SEC14L1: variants seen among roughly 807,000 people sequenced by gnomAD.
The protein encoded by SEC14L1 is SEC14-like protein 1.
In SEC14L1, 48 loss-of-function variants were observed where a neutral mutation model predicts 85.3. The observed-to-expected ratio is 0.56, with a 90% confidence interval of 0.45 to 0.72. SEC14L1 has a LOEUF of 0.72. SEC14L1 is among the 30% of genes least tolerant of loss of function. The pLI is 0.00. For missense variants in SEC14L1, 682 were observed against 921.4 expected (o/e 0.74, Z 3.36); for synonymous variants, 391 against 355.5 (o/e 1.10, Z -1.12).
upstream of SEC14L1, among the ~76,000 whole-genome samples, chr17:77,139,172 T>C (rs905633838): frequency 3.4e-4 from 51 of 150,512 alleles, no homozygotes; most frequent in African/African-American, 1.2e-3. Flanking sequence ...TTTTTTTTTT[T>C]TTTTTTTTTT....
intron 10 of SEC14L1, among the ~76,000 whole-genome samples, chr17:77,204,540 T>TC (rs1325037906): frequency 6.7e-6 from 1 of 149,376 alleles, no homozygotes. Context: ...TTTTTTTTTT[T>TC]TTTTTTTTTA....
intron 3 of SEC14L1, among the ~76,000 whole-genome samples, chr17:77,180,046 T>TTGTTATGTTA (rs67421763): frequency 0.01 from 1,217 of 121,088 alleles, 15 homozygotes; most frequent in African/African-American, 0.019. Flanking sequence ...ATGTTTTGTT[T>TTGTTATGTTA]TGTTATGTTA....
At chr17:77,154,689 A>G (rs752948886) in intron 3 of SEC14L1, among the ~76,000 whole-genome samples, 27 of 151,594 alleles carry the variant, frequency 1.8e-4, no homozygotes, top group African/African-American at 2.4e-4. Flanking sequence ...TTATGTATCA[A>G]TATATGAAAT....
At chr17:77,095,830 T>C (rs903507002) in intron 3 of SEC14L1, among the ~76,000 whole-genome samples, 1 of 150,274 alleles carries the variant, frequency 6.7e-6, no homozygotes, top group African/African-American at 2.5e-5. Flanking sequence ...AAAAAAAAAT[T>C]AACTAATTAC....
chr17:77,214,836 C>G lies in SEC14L1; in HGVS notation c.*813C>G. 1.0e-6 allele frequency: 1 copy of G among 985,540 alleles called. No individual in the cohort carries two copies. The highest frequency in any genetic ancestry group is 1.2e-6 in the Non-Finnish European group (1 of 830,000). 61.0% of individuals were successfully genotyped at this position (985,540 alleles called of 1,614,324 possible). The stretch of plus-strand genomic sequence containing the variant: ...CTCTCACCTGCAGTCAGCTCCCAGC[C>G]CAGTGTAGGCCATCTCCTCTGTGCC... On this transcript the variant is annotated 3_prime_UTR_variant, in exon 17 of 17. Transcript: ENST00000436233.
chr17:77,155,171 C>T (rs1057131550), intron 3 of SEC14L1, among the ~76,000 whole-genome samples: 2 of 152,158 alleles, frequency 1.3e-5, no homozygotes, highest in Non-Finnish European at 2.9e-5. Context: ...TGTCTTCACC[C>T]GAGATGCCCC....
chr17:77,183,451 T>C (rs1385522493), intron 3 of SEC14L1, among the ~76,000 whole-genome samples: 1 of 152,204 alleles, frequency 6.6e-6, no homozygotes, highest in Admixed American at 6.5e-5. Flanking sequence ...TGCCTAAGAA[T>C]AGATATTCTT....
At chr17:77,194,328 A>C (rs151301554) in intron 6 of SEC14L1, among the ~76,000 whole-genome samples, 20 of 152,182 alleles carry the variant, frequency 1.3e-4, no homozygotes, top group Non-Finnish European at 2.9e-4. Flanking sequence ...GCTGAGGTGG[A>C]CAGATTGCTC....
chr17:77,136,978 C>T (rs1174916371), upstream of SEC14L1, among the ~76,000 whole-genome samples: 4 of 150,348 alleles, frequency 2.7e-5, no homozygotes, highest in South Asian at 2.1e-4. Flanking sequence ...GGTGCGGTCT[C>T]GGCTCACCGC....
At chr17:77,097,181 A>G (rs543684272) in intron 3 of SEC14L1, among the ~76,000 whole-genome samples, 15 of 152,336 alleles carry the variant, frequency 9.8e-5, no homozygotes, top group African/African-American at 3.4e-4. Flanking sequence ...AGGGTTTAGA[A>G]GTGTCTCTGG....
chr17:77,122,694 C>A (rs978412833), intron 3 of SEC14L1, among the ~76,000 whole-genome samples: 2 of 152,228 alleles, frequency 1.3e-5, no homozygotes, highest in Admixed American at 6.5e-5. Flanking sequence ...GAACAGATAA[C>A]CCTGACTCAC....
chr17:77,216,488 C>G lies in SEC14L1; in HGVS notation c.*2465C>G. The G allele has an allele frequency of 3.1e-6, 5 of 1,612,514 alleles. No individual in the cohort carries two copies. Among genetic ancestry groups the G allele is most frequent in the South Asian group, 1.1e-5 (1 of 91,034 alleles). Reference sequence around the variant, plus strand: ...CTGCTTCCACCTGGTGCTTCCTGTTCCCAAATCACAAGGGCCTGAAGGTGG... The same window carrying G: ...CTGCTTCCACCTGGTGCTTCCTGTTGCCAAATCACAAGGGCCTGAAGGTGG... On this transcript the variant is annotated 3_prime_UTR_variant, in exon 17 of 17. Coordinates refer to ENST00000436233, the MANE Select transcript of SEC14L1 (RefSeq NM_001143998.2).
intron 3 of SEC14L1, among the ~76,000 whole-genome samples, chr17:77,144,292 A>C (rs1973179822): frequency 6.6e-6 from 1 of 152,214 alleles, no homozygotes; most frequent in South Asian, 2.1e-4. Context: ...AGACAGGAGA[A>C]TGTGTCTTTC....
chr17:77,161,229 A>G (rs761499399), intron 3 of SEC14L1, among the ~76,000 whole-genome samples: 9 of 152,260 alleles, frequency 5.9e-5, no homozygotes, highest in Non-Finnish European at 1.2e-4. Context: ...GCTCACGCCT[A>G]TAATCCCAGT....
At chr17:77,212,264 T>TGAGTA (rs2143223337) in intron 15 of SEC14L1, 63 bp downstream of exon 15, 1 of 1,583,348 alleles carries the variant, frequency 6.3e-7, no homozygotes, top group East Asian at 2.2e-5. Flanking sequence ...GATTCTGTCT[T>TGAGTA]GAGTAGACTC....
chr17:77,167,257 C>T (rs1371076554), intron 3 of SEC14L1, among the ~76,000 whole-genome samples: 1 of 151,688 alleles, frequency 6.6e-6, no homozygotes, highest in African/African-American at 2.4e-5. Flanking sequence ...GCCTCAGCCA[C>T]CTGAGTAGCT....
chr17:77,100,351 ATTG>A (rs974150940), intron 3 of SEC14L1, among the ~76,000 whole-genome samples: 107 of 110,348 alleles, frequency 9.7e-4, no homozygotes, highest in Non-Finnish European at 4.0e-4. Context: ...TGCATTCTGT[ATTG>A]TTGTCCCTGT....
intron 3 of SEC14L1, among the ~76,000 whole-genome samples, chr17:77,158,796 T>C: frequency 7.2e-6 from 1 of 139,236 alleles, no homozygotes; most frequent in Admixed American, 8.0e-5. Flanking sequence ...TAGCTTTCTT[T>C]CCTTTTTTTT....
chr17:77,186,154 C>T (rs1975256857), intron 3 of SEC14L1, among the ~76,000 whole-genome samples: 1 of 152,162 alleles, frequency 6.6e-6, no homozygotes, highest in Non-Finnish European at 1.5e-5. Context: ...CCCTCCATCC[C>T]AGCTCCTGGA....
Sources: gnomAD v4.1 joint callset for allele counts (sites outside exome capture counted in the v4.1 genomes callset) on GRCh38, gnomAD v4.1.1 for gene constraint, MANE v1.5 for transcripts, NCBI Gene and HGNC (gene_info 2026-07-23, HGNC 2026-07-21) for gene names.